PTPN21: variants seen among roughly 807,000 people sequenced by gnomAD.
The protein encoded by PTPN21 is protein tyrosine phosphatase non-receptor type 21, also known as tyrosine-protein phosphatase non-receptor type 21.
PTPN21 carries 77 observed loss-of-function variants against 131.8 expected under a neutral mutation model. The observed-to-expected ratio is 0.58, with a 90% confidence interval of 0.49 to 0.71. The LOEUF is 0.71. Among genes scored for constraint, PTPN21 ranks in the 30% least tolerant of loss-of-function variants. The pLI is 0.00. For synonymous variants in PTPN21, 715 were observed against 621.3 expected, an observed-to-expected ratio of 1.15 and a Z score of -2.24; for missense variants, 1,552 against 1,527.1, an observed-to-expected ratio of 1.02 and a Z score of -0.27.
At chr14:88,494,018 G>C (rs918312871) in intron 10 of PTPN21, among the ~76,000 whole-genome samples, 1 of 152,076 alleles carries the variant, frequency 6.6e-6, no homozygotes, top group African/African-American at 2.4e-5. Context: ...TGCTGGCAGG[G>C]GATACAGGCA....
chr14:88,505,489 T>C (rs878991223), intron 4 of PTPN21, 118 bp from the exon 5 acceptor site: 3 of 617,070 alleles, frequency 4.9e-6, no homozygotes, highest in East Asian at 5.7e-5. Flanking sequence ...GAAGTCAAAT[T>C]TGTTATAGCT....
chr14:88,551,263 C>G (rs928641392), intron 1 of PTPN21: 1 of 152,258 alleles, frequency 6.6e-6, no homozygotes, highest in Non-Finnish European at 1.5e-5. Flanking sequence ...TTCTGAAAAT[C>G]CAGACCCCGG....
intron 12 of PTPN21, among the ~76,000 whole-genome samples, chr14:88,484,260 C>G (rs1477803181): frequency 6.6e-6 from 1 of 150,840 alleles, no homozygotes; most frequent in Non-Finnish European, 1.5e-5. Context: ...CCCTGTGGTC[C>G]AGGCTGAAGA....
At chr14:88,478,716 G>A (rs2077583322) in intron 13 of PTPN21, among the ~76,000 whole-genome samples, 1 of 152,148 alleles carries the variant, frequency 6.6e-6, no homozygotes, top group Non-Finnish European at 1.5e-5. Flanking sequence ...ATTATCTCCA[G>A]TAAAACCACT....
intron 1 of PTPN21, among the ~76,000 whole-genome samples, chr14:88,554,408 A>G (rs1461356231): frequency 2.5e-4 from 38 of 152,322 alleles, no homozygotes; most frequent in African/African-American, 9.1e-4. Flanking sequence ...ACCCGCAACA[A>G]TCGGCCAGGG....
chr14:88,528,583 G>C (rs1413260474), intron 2 of PTPN21, among the ~76,000 whole-genome samples: 1 of 152,222 alleles, frequency 6.6e-6, no homozygotes, highest in Non-Finnish European at 1.5e-5. Flanking sequence ...GAGGGACCTG[G>C]TGGGAGGTAA....
At chr14:88,517,344 T>C (rs992129589) in intron 2 of PTPN21, 83 bp from the exon 3 acceptor site, 79 of 1,421,310 alleles carry the variant, frequency 5.6e-5, no homozygotes, top group Non-Finnish European at 7.3e-5. Flanking sequence ...CCCTGACCTG[T>C]GACCAAATGA....
rs373811520 is a variant in PTPN21, at chr14:88,478,910, C to T, written c.2511+10G>A. ...TCCCCTGGCCCGGCACTGCTCGCCGCGTGGCTTACCCCTAGAGGCGGGAGC... is the reference window on the plus strand; with the variant it reads ...TCCCCTGGCCCGGCACTGCTCGCCGTGTGGCTTACCCCTAGAGGCGGGAGC... On this transcript the variant is annotated intron_variant, in intron 13 of 18. Transcript: ENST00000556564. 185 of 1,465,934 alleles carry T rather than the reference C, an allele frequency of 1.3e-4. No individual in the cohort carries two copies. The highest frequency in any genetic ancestry group is 1.5e-4 in the Non-Finnish European group (170 of 1,110,110). The allele number at this position is 1,465,934 out of a possible 1,614,324, so 90.8% of individuals were successfully genotyped here.
intron 2 of PTPN21, among the ~76,000 whole-genome samples, chr14:88,548,269 C>G (rs576199141): frequency 6.6e-6 from 1 of 152,166 alleles, no homozygotes; most frequent in Non-Finnish European, 1.5e-5. Context: ...ATTAACTTCC[C>G]CACTACCCTC....
intron 5 of PTPN21, 79 bp from the exon 6 acceptor site, chr14:88,504,574 T>C (rs1410430901): frequency 8.4e-7 from 1 of 1,196,714 alleles, no homozygotes; most frequent in Non-Finnish European, 1.2e-6. Context: ...TGACTGTTAA[T>C]GACTCTCGTC....
At chr14:88,478,793 T>C (rs2077584052) in intron 13 of PTPN21, 127 bp downstream of exon 13, 3 of 506,120 alleles carry the variant, frequency 5.9e-6, no homozygotes, top group South Asian at 7.3e-5. Context: ...AAAAAGAGAG[T>C]GACGTGGGGG....
chr14:88,518,145 ACCT>A (rs1249341655), intron 2 of PTPN21, among the ~76,000 whole-genome samples: 1 of 125,958 alleles, frequency 7.9e-6, no homozygotes, highest in Non-Finnish European at 1.6e-5. Context: ...GATAGGTCTT[ACCT>A]CCTTTTTTTC....
At chr14:88,505,210 G>C in intron 5 of PTPN21, 94 bp downstream of exon 5, 2 of 1,033,532 alleles carry the variant, frequency 1.9e-6, no homozygotes, top group Non-Finnish European at 2.9e-6. Context: ...ATTCCTGACA[G>C]TAAGTCTATC....
intron 2 of PTPN21, among the ~76,000 whole-genome samples, chr14:88,543,146 T>C (rs944065984): frequency 3.9e-5 from 6 of 152,230 alleles, no homozygotes; most frequent in African/African-American, 1.4e-4. Flanking sequence ...AACACTTTGA[T>C]GGCCAAGAAC....
chr14:88,507,292 G>A (rs2078106182), intron 4 of PTPN21, among the ~76,000 whole-genome samples: 1 of 152,112 alleles, frequency 6.6e-6, no homozygotes, highest in East Asian at 1.9e-4. Flanking sequence ...AAATGTATAT[G>A]TATATAGTCA....
At position 88,550,100 on chromosome 14, in the gene PTPN21, G is replaced by A. The variant is rs1184011137; in HGVS notation, c.180+138C>T. On this transcript the variant is annotated intron_variant, in intron 2 of 18. Coordinates refer to ENST00000556564, the MANE Select transcript of PTPN21 (RefSeq NM_007039.4). ...CGCCCGGCCTTGTATTTTTAGTAGA[G>A]ACAGGGTTTCACCATGTTGGCCAGG... The A allele has an allele frequency of 5.8e-6, 5 of 864,016 alleles. No individual in the cohort carries two copies. The East Asian group carries it at 1.0e-4, about 18-fold the overall frequency. 53.5% of individuals were successfully genotyped at this position (864,016 alleles called of 1,614,324 possible).
chr14:88,532,405 T>A (rs879285553), intron 2 of PTPN21, among the ~76,000 whole-genome samples: 3 of 152,218 alleles, frequency 2.0e-5, no homozygotes, highest in African/African-American at 4.8e-5. Flanking sequence ...GACGAGCCTA[T>A]GAGTTCATTA....
intron 10 of PTPN21, among the ~76,000 whole-genome samples, chr14:88,486,546 T>C (rs1344726494): frequency 6.6e-6 from 1 of 152,020 alleles, no homozygotes; most frequent in Non-Finnish European, 1.5e-5. Context: ...ATTTCAAACC[T>C]ACGTATTTTT....
intron 10 of PTPN21, among the ~76,000 whole-genome samples, chr14:88,492,274 A>C (rs1393560945): frequency 6.6e-6 from 1 of 152,222 alleles, no homozygotes; most frequent in Non-Finnish European, 1.5e-5. Flanking sequence ...TACTGCTTGA[A>C]TCTTAGAACT....
Sources: allele counts gnomAD v4.1 joint callset (sites outside exome capture counted in the v4.1 genomes callset), GRCh38; gene constraint gnomAD v4.1.1; transcripts MANE v1.5; gene names NCBI Gene and HGNC (gene_info 2026-07-23, HGNC 2026-07-21).